The following ARHGEF3 variants were observed in gnomAD, a reference collection of about 807,000 sequenced individuals.
ARHGEF3 encodes Rho guanine nucleotide exchange factor 3, also known as 59.8 kDA protein.
A neutral mutation model predicts 63.2 loss-of-function variants in ARHGEF3; 28 were observed. That is an observed-to-expected ratio of 0.44 (90% CI 0.33 to 0.61). ARHGEF3 has a LOEUF of 0.61. Ranked by LOEUF, ARHGEF3 falls within the 20% of genes least tolerant of loss-of-function variation. The pLI, the probability that ARHGEF3 is intolerant of heterozygous loss-of-function variation, is 0.03. For missense variants in ARHGEF3, 533 were observed against 659.3 expected (o/e 0.81, Z 2.10); for synonymous variants, 266 against 254.2 (o/e 1.05, Z -0.44).
chr3:56,735,149 T>TACCAATA (rs1173173554), intron 8 of ARHGEF3, among the ~76,000 whole-genome samples: 1 of 152,134 alleles, frequency 6.6e-6, no homozygotes, highest in African/African-American at 2.4e-5. Context: ...CCAAGCGTGG[T>TACCAATA]GTTGGGTGCC....
At chr3:56,796,378 G>C (rs574775142) in intron 1 of ARHGEF3, among the ~76,000 whole-genome samples, 3 of 152,306 alleles carry the variant, frequency 2.0e-5, no homozygotes, top group Non-Finnish European at 2.9e-5. Context: ...GAAGGCTTGT[G>C]GTTAATATAG....
In ARHGEF3 at chr3:57,017,022, TCTCTCTCTCTCACA is replaced by T. The variant is rs976161029; in HGVS notation, c.62+18052_62+18065del. ...TTCTCTCTGTCTCTCTCTCTCTCTC[TCTCTCTCTCTCACA>T]CACACACACACACACACACACACAC... On this transcript the variant is annotated intron_variant, in intron 2 of 12. Coordinates refer to the ARHGEF3 transcript ENST00000338458. 1.2e-4 allele frequency among the ~76,000 whole-genome samples: 13 copies of T among 109,076 alleles called. No homozygotes were observed. In the East Asian group the frequency reaches 3.4e-3, roughly 29 times the overall value. The allele number at this position is 109,076 out of a possible 152,430, so 71.6% of individuals were successfully genotyped here. A position where few individuals can be genotyped will look rare whatever the true frequency, so the allele number is the denominator to read the frequency against.
intron 3 of ARHGEF3, among the ~76,000 whole-genome samples, chr3:56,906,089 T>C (rs1252310429): frequency 6.6e-6 from 1 of 151,920 alleles, no homozygotes; most frequent in African/African-American, 2.4e-5. Flanking sequence ...GGTCTCAAAC[T>C]CCTGATCTCG....
chr3:56,765,737 C>A (rs1208041775), intron 2 of ARHGEF3, among the ~76,000 whole-genome samples: 1 of 152,066 alleles, frequency 6.6e-6, no homozygotes, highest in South Asian at 2.1e-4. Flanking sequence ...CCTTGACGAC[C>A]CCTCAGGCCA....
Position 56,906,155 on chromosome 3 carries a change from G to A in ARHGEF3, c.130-23801C>T, listed in dbSNP as rs530749296. ...TGGGATTACAGGTGTGAGCAACCGCGCCCAGTCCAATATGGGAGCCACGAG... is the reference window on the plus strand; with the variant it reads ...TGGGATTACAGGTGTGAGCAACCGCACCCAGTCCAATATGGGAGCCACGAG... On this transcript the variant is annotated intron_variant, in intron 3 of 12. Coordinates refer to the ARHGEF3 transcript ENST00000338458. 1.6e-3 allele frequency among the ~76,000 whole-genome samples: 249 copies of A among 152,142 alleles called. 8 individuals carry two copies. In the South Asian group the frequency reaches 0.048, roughly 29 times the overall value.
chr3:56,919,544 G>A (rs1209696880), intron 3 of ARHGEF3, among the ~76,000 whole-genome samples: 1 of 152,174 alleles, frequency 6.6e-6, no homozygotes, highest in African/African-American at 2.4e-5. Flanking sequence ...CACCTGCCCT[G>A]TGGACATTTA....
intron 1 of ARHGEF3, among the ~76,000 whole-genome samples, chr3:57,069,540 G>C (rs1230117113): frequency 6.6e-6 from 1 of 152,052 alleles, no homozygotes; most frequent in Non-Finnish European, 1.5e-5. Flanking sequence ...TACAAATATA[G>C]GCACTCCATT....
In ARHGEF3 at chr3:56,923,068, ATATATAT is replaced by A. The variant is rs1560053909; in HGVS notation, c.129+35748_129+35754del. 3.6e-3 allele frequency among the ~76,000 whole-genome samples: 135 copies of A among 37,784 alleles called. 1 individual carries two copies. The highest frequency in any genetic ancestry group is 0.024 in the Middle Eastern group (2 of 84). 24.8% of individuals were successfully genotyped at this position (37,784 alleles called of 152,430 possible). On this transcript the variant is annotated intron_variant, in intron 3 of 12. Transcript: ENST00000338458. Reference sequence around the variant, plus strand: ...TATATATATATATATATATATATATATATATATAAATTAGTTGGGCATGGTGGCGTGT... The same window carrying A: ...TATATATATATATATATATATATATAAAATTAGTTGGGCATGGTGGCGTGT...
chr3:56,881,240 A>C (rs552889901), intron 4 of ARHGEF3, among the ~76,000 whole-genome samples: 1 of 152,324 alleles, frequency 6.6e-6, no homozygotes, highest in Non-Finnish European at 1.5e-5. Context: ...TAGAGCCAGA[A>C]CCATGACTCA....
At chr3:57,040,496 AAAG>A (rs1382598883) in intron 1 of ARHGEF3, among the ~76,000 whole-genome samples, 1 of 151,176 alleles carries the variant, frequency 6.6e-6, no homozygotes, top group African/African-American at 2.5e-5. Flanking sequence ...AAAGAAAAGA[AAAG>A]AAAATACCAA....
chr3:57,032,702 A>G (rs1560148862), intron 2 of ARHGEF3, among the ~76,000 whole-genome samples: 1 of 152,224 alleles, frequency 6.6e-6, no homozygotes, highest in Non-Finnish European at 1.5e-5. Flanking sequence ...ACTGTTGCCA[A>G]TGCTGATGGC....
intron 2 of ARHGEF3, among the ~76,000 whole-genome samples, chr3:56,767,148 TA>T (rs1203072586): frequency 5.6e-3 from 757 of 135,852 alleles, no homozygotes; most frequent in Middle Eastern, 0.012. Context: ...TTGTCTCTAT[TA>T]AAAAAAAAAA....
At chr3:57,073,045 CAAAAT>C (rs1482639449) in intron 1 of ARHGEF3, among the ~76,000 whole-genome samples, 3 of 151,868 alleles carry the variant, frequency 2.0e-5, no homozygotes, top group Non-Finnish European at 4.4e-5. Flanking sequence ...GACTCTGTCT[CAAAAT>C]AAATAAATAA....
intron 1 of ARHGEF3, chr3:56,774,923 C>CA (rs1468743799): frequency 1.9e-4 from 223 of 1,193,478 alleles, no homozygotes; most frequent in African/African-American, 9.0e-4. Context: ...ACAACAACAA[C>CA]AACAAAAAAA....
chr3:56,953,969 C>T (rs1699929703), intron 3 of ARHGEF3, among the ~76,000 whole-genome samples: 2 of 152,134 alleles, frequency 1.3e-5, no homozygotes, highest in Admixed American at 6.5e-5. Flanking sequence ...TCACTTATAA[C>T]CCAGAGTCCT....
chr3:56,962,934 G>A (rs1700343152), intron 2 of ARHGEF3, among the ~76,000 whole-genome samples: 1 of 152,174 alleles, frequency 6.6e-6, no homozygotes, highest in Admixed American at 6.5e-5. Flanking sequence ...ACCTTGAGAA[G>A]AGGTTTAGCG....
At chr3:56,779,120 G>A (rs936923508) in intron 1 of ARHGEF3, among the ~76,000 whole-genome samples, 5 of 152,200 alleles carry the variant, frequency 3.3e-5, no homozygotes, top group Non-Finnish European at 7.3e-5. Context: ...TCTCCCTGCA[G>A]CTGGACATGC....
chr3:56,929,354 C>T lies in ARHGEF3; in HGVS notation c.129+29469G>A, dbSNP rs1032968435. Among the ~76,000 whole-genome samples the T allele has an allele frequency of 2.6e-5, 4 of 152,334 alleles. No individual in the cohort carries two copies. In the East Asian group the frequency reaches 7.7e-4, roughly 29 times the overall value. ...AAGGGACGGTTTACATGCCAATTTC[C>T]ATCACCCCAAATCCTGACTAAAGAG... is the stretch of plus-strand genomic sequence containing the variant. On this transcript the variant is annotated intron_variant, in intron 3 of 12. Coordinates refer to the ARHGEF3 transcript ENST00000338458.
rs1704246927 is a variant in ARHGEF3 at position 57,042,673 on chromosome 3, TATATATATATATA to T, written c.-27-7510_-27-7498del. Among the ~76,000 whole-genome samples the T allele has an allele frequency of 3.4e-3, 129 of 37,656 alleles. 5 individuals are homozygous for T. The highest frequency in any genetic ancestry group is 0.01 in the South Asian group (9 of 886). 24.7% of individuals were successfully genotyped at this position (37,656 alleles called of 152,430 possible). A position where few individuals can be genotyped will look rare whatever the true frequency, so the allele number is the denominator to read the frequency against. On this transcript the variant is annotated intron_variant, in intron 1 of 12. Coordinates refer to the ARHGEF3 transcript ENST00000338458. Reference sequence around the variant, plus strand: ...ATAAATATATATATATATATATATATATATATATATATATATATATATATATATTTTTTTTTTT... The same window carrying T: ...ATAAATATATATATATATATATATATTATATATATATATATTTTTTTTTTT...
Sources: gnomAD v4.1 joint callset for allele counts (sites outside exome capture counted in the v4.1 genomes callset) on GRCh38, gnomAD v4.1.1 for gene constraint, MANE v1.5 for transcripts, NCBI Gene and HGNC (gene_info 2026-07-23, HGNC 2026-07-21) for gene names.